PAPOLG: variants seen among roughly 807,000 people sequenced by gnomAD.
PAPOLG encodes the protein PAP-gamma.
In PAPOLG, 40 loss-of-function variants were observed where a neutral mutation model predicts 99.0. That is an observed-to-expected ratio of 0.40 (90% CI 0.31 to 0.53). The LOEUF (loss-of-function observed/expected upper bound fraction) is 0.53, where lower values mean the gene tolerates loss of function less well. Ranked by LOEUF, PAPOLG falls within the 20% of genes least tolerant of loss-of-function variation. PAPOLG has a pLI of 0.41. For missense variants in PAPOLG, 675 were observed against 884.1 expected, an observed-to-expected ratio of 0.76 and a Z score of 3.00; for synonymous variants, 310 against 299.3, an observed-to-expected ratio of 1.04 and a Z score of -0.37.
chr2:60,789,101 C>G (rs1173896243), intron 15 of PAPOLG, among the ~76,000 whole-genome samples: 1 of 151,936 alleles, frequency 6.6e-6, no homozygotes, highest in Non-Finnish European at 1.5e-5. Context: ...ACCACATATT[C>G]TCACTCATAG....
chr2:60,786,870 T>G, intron 13 of PAPOLG, 77 bp from the exon 14 acceptor site: 1 of 1,516,836 alleles, frequency 6.6e-7, no homozygotes, highest in South Asian at 1.3e-5. Context: ...GTAGTTAATA[T>G]GCTGTTTGGT....
intron 14 of PAPOLG, 86 bp downstream of exon 14, chr2:60,787,152 T>G: frequency 8.2e-6 from 10 of 1,213,374 alleles, no homozygotes; most frequent in Non-Finnish European, 1.1e-5. Flanking sequence ...GAGATTTTTG[T>G]TTAACAGGCA....
At chr2:60,794,587 C>A in intron 19 of PAPOLG, 123 bp from the exon 20 acceptor site, 1 of 787,896 alleles carries the variant, frequency 1.3e-6, no homozygotes, top group Non-Finnish European at 2.0e-6. Context: ...TCTTCTCTTA[C>A]CAATCCATGT....
At chr2:60,774,456 C>G (rs1192575978) in intron 7 of PAPOLG, among the ~76,000 whole-genome samples, 2 of 151,798 alleles carry the variant, frequency 1.3e-5, no homozygotes, top group Non-Finnish European at 2.9e-5. Flanking sequence ...ACCTCCGCCT[C>G]CCGGGTTCAA....
In PAPOLG at chr2:60,768,716, T is replaced by C. The variant is rs1257858768; in HGVS notation, c.329-65T>C. 1.1e-5 allele frequency: 16 copies of C among 1,407,964 alleles called. No individual in the cohort carries two copies. The African/African-American group carries it at 2.2e-4, about 19-fold the overall frequency. 87.2% of individuals were successfully genotyped at this position (1,407,964 alleles called of 1,614,324 possible). On this transcript the variant is annotated intron_variant, in intron 4 of 21. Coordinates refer to ENST00000238714, the MANE Select transcript of PAPOLG (RefSeq NM_022894.4). ...ATACTTTCTTCTGTACATATGTTTG[T>C]GTGTACTTTAACAAAGAATATAACA...
At chr2:60,770,903 A>G (rs932000442) in intron 6 of PAPOLG, among the ~76,000 whole-genome samples, 28 of 152,198 alleles carry the variant, frequency 1.8e-4, no homozygotes, top group East Asian at 3.8e-4. Flanking sequence ...GATTACAGGC[A>G]TGAGCCACCG....
At chr2:60,776,651 G>T (rs1264922783) in intron 8 of PAPOLG, among the ~76,000 whole-genome samples, 1 of 151,814 alleles carries the variant, frequency 6.6e-6, no homozygotes, top group Non-Finnish European at 1.5e-5. Context: ...TGATCTTGAA[G>T]TCCTGACCTC....
At chr2:60,759,910 A>G (rs1670473207) in intron 1 of PAPOLG, among the ~76,000 whole-genome samples, 1 of 152,198 alleles carries the variant, frequency 6.6e-6, no homozygotes, top group Non-Finnish European at 1.5e-5. Context: ...TTGGCTTGAA[A>G]AAACATCCTA....
In PAPOLG at chr2:60,778,590, A is replaced by C. The variant is rs373173402; in HGVS notation, c.695-1047A>C. On this transcript the variant is annotated intron_variant, in intron 8 of 21. Coordinates refer to ENST00000238714, the MANE Select transcript of PAPOLG (RefSeq NM_022894.4). ...AAAAAACCATTGAATTGTGTACTTT[A>C]AATGGACGAATCTTATGGTATGTGA... is the stretch of plus-strand genomic sequence containing the variant. Among the ~76,000 whole-genome samples the C allele has an allele frequency of 7.2e-5, 11 of 152,286 alleles. No homozygotes were observed. In the South Asian group the frequency reaches 2.1e-3, roughly 29 times the overall value.
intron 1 of PAPOLG, among the ~76,000 whole-genome samples, chr2:60,757,263 CTG>C (rs1361767077): frequency 1.3e-5 from 2 of 152,190 alleles, no homozygotes; most frequent in Non-Finnish European, 2.9e-5. Context: ...ATATACGTAT[CTG>C]TGTATTTATT....
At chr2:60,795,359 T>C in intron 21 of PAPOLG, 1 of 467,888 alleles carries the variant, frequency 2.1e-6, no homozygotes, top group Non-Finnish European at 4.2e-6. Context: ...TGTGTACTAT[T>C]GCTTACTGCC....
At chr2:60,787,663 T>G in intron 15 of PAPOLG, 43 bp downstream of exon 15, 1 of 1,598,038 alleles carries the variant, frequency 6.3e-7, no homozygotes, top group Non-Finnish European at 8.5e-7. Context: ...CAAACCTGGC[T>G]ATTACTCAGT....
rs1375893805 is a variant in PAPOLG, at chr2:60,799,469, A to G, written c.*2309A>G. On this transcript the variant is annotated 3_prime_UTR_variant, in exon 22 of 22. Transcript: ENST00000238714. Reference sequence around the variant, plus strand: ...GTTTGTCAGAAATAAAATATTTTCTATCCTGACCAGTAGGTAGAACTTTGA... The same window carrying G: ...GTTTGTCAGAAATAAAATATTTTCTGTCCTGACCAGTAGGTAGAACTTTGA... 4 of 152,378 alleles carry G rather than the reference A, an allele frequency of 2.6e-5. No homozygotes were observed. Among genetic ancestry groups the G allele is most frequent in the Non-Finnish European group, 4.4e-5 (3 of 68,046 alleles). 9.4% of individuals were successfully genotyped at this position (152,378 alleles called of 1,614,324 possible). A position where few individuals can be genotyped will look rare whatever the true frequency, so the allele number is the denominator to read the frequency against.
intron 15 of PAPOLG, among the ~76,000 whole-genome samples, chr2:60,789,962 C>T (rs1178670705): frequency 5.9e-5 from 9 of 152,082 alleles, no homozygotes; most frequent in Non-Finnish European, 8.8e-5. Flanking sequence ...GGTGTGGTGG[C>T]GGGTGCCTGT....
rs887763788 is a variant in PAPOLG, at chr2:60,791,651, G to A, written c.1397-110G>A. On this transcript the variant is annotated intron_variant, in intron 15 of 21. Transcript: ENST00000238714. ...TGAGAGGGTTGTGGGTGGGTGGGTG[G>A]CCGGTGGTGATAGTGGGGAGATAGT... 6 of 1,333,084 alleles carry A rather than the reference G, an allele frequency of 4.5e-6. No homozygotes were observed. The African/African-American group carries it at 8.8e-5, about 20-fold the overall frequency. 82.6% of individuals were successfully genotyped at this position (1,333,084 alleles called of 1,614,324 possible). A position where few individuals can be genotyped will look rare whatever the true frequency, so the allele number is the denominator to read the frequency against.
At chr2:60,782,078 G>T in intron 11 of PAPOLG, 73 bp downstream of exon 11, 1 of 1,452,264 alleles carries the variant, frequency 6.9e-7, no homozygotes, top group South Asian at 1.2e-5. Flanking sequence ...CTCTGTTGCA[G>T]CTATGGATTG....
intron 5 of PAPOLG, among the ~76,000 whole-genome samples, chr2:60,769,545 G>C (rs1670785271): frequency 6.6e-6 from 1 of 152,154 alleles, no homozygotes; most frequent in Admixed American, 6.5e-5. Context: ...AGGAAGTTAA[G>C]AATTTGTTAG....
At chr2:60,792,571 G>C (rs764267119) in intron 17 of PAPOLG, among the ~76,000 whole-genome samples, 2 of 152,074 alleles carry the variant, frequency 1.3e-5, no homozygotes, top group African/African-American at 2.4e-5. Flanking sequence ...CCCCCTTTTA[G>C]TTCAATGAAA....
chr2:60,768,659 T>C, intron 4 of PAPOLG, 108 bp downstream of exon 4: 1 of 1,325,462 alleles, frequency 7.5e-7, no homozygotes, highest in South Asian at 1.4e-5. Context: ...TTAGAGCTAA[T>C]CATTGTTAAC....
Sources: allele counts gnomAD v4.1 joint callset (sites outside exome capture counted in the v4.1 genomes callset), GRCh38; gene constraint gnomAD v4.1.1; transcripts MANE v1.5; gene names NCBI Gene and HGNC (gene_info 2026-07-23, HGNC 2026-07-21).